TPST2: variants seen among roughly 807,000 people sequenced by gnomAD.
TPST2 encodes tyrosylprotein sulfotransferase 2.
Under a neutral mutation model 27.8 loss-of-function variants are expected in TPST2, and 16 were observed. That is an observed-to-expected ratio of 0.58 (90% confidence interval 0.39 to 0.88). The LOEUF (loss-of-function observed/expected upper bound fraction) is 0.88. Ranked by LOEUF, TPST2 falls within the 40% of genes least tolerant of loss-of-function variation. TPST2 has a pLI of 0.00. For synonymous variants in TPST2, 229 were observed against 231.7 expected (o/e 0.99, Z 0.10); for missense variants, 464 against 543.1 (o/e 0.85, Z 1.45).
At chr22:26,546,006 G>C (rs1926102206) in intron 1 of TPST2, among the ~76,000 whole-genome samples, 1 of 151,694 alleles carries the variant, frequency 6.6e-6, no homozygotes, top group African/African-American at 2.4e-5. Context: ...AAGCCCAGGA[G>C]GTCGAGGCTG....
At chr22:26,577,717 G>A (rs922602467) in intron 1 of TPST2, among the ~76,000 whole-genome samples, 2 of 145,254 alleles carry the variant, frequency 1.4e-5, no homozygotes, top group Non-Finnish European at 3.0e-5. Flanking sequence ...GGAATGCAGT[G>A]GCACAAGCTC....
At chr22:26,588,597 G>C (rs952691377) in intron 1 of TPST2, among the ~76,000 whole-genome samples, 1 of 152,158 alleles carries the variant, frequency 6.6e-6, no homozygotes, top group Non-Finnish European at 1.5e-5. Context: ...TTAAAAATCA[G>C]GTGATACAAA....
chr22:26,560,266 A>C (rs934820567), intron 1 of TPST2, among the ~76,000 whole-genome samples: 1 of 152,166 alleles, frequency 6.6e-6, no homozygotes, highest in African/African-American at 2.4e-5. Flanking sequence ...TCTCCTGGTT[A>C]AAGTGTGGCT....
At chr22:26,535,976 A>T in intron 4 of TPST2, 1 of 450,868 alleles carries the variant, frequency 2.2e-6, no homozygotes, top group South Asian at 2.0e-5. Context: ...ACAGATAAAC[A>T]AATAGCCAGG....
At chr22:26,584,918 G>A (rs751922918) in intron 1 of TPST2, among the ~76,000 whole-genome samples, 8 of 152,170 alleles carry the variant, frequency 5.3e-5, no homozygotes, top group Non-Finnish European at 8.8e-5. Flanking sequence ...TTGACAGACG[G>A]AGGAACTAAG....
At chr22:26,577,910 TCC>T (rs1369545725) in intron 1 of TPST2, among the ~76,000 whole-genome samples, 4 of 152,044 alleles carry the variant, frequency 2.6e-5, no homozygotes, top group Admixed American at 2.6e-4. Flanking sequence ...GGTCTAGACC[TCC>T]TAAAGTGCTA....
At chr22:26,579,406 T>C (rs1485917606) in intron 1 of TPST2, among the ~76,000 whole-genome samples, 2 of 152,150 alleles carry the variant, frequency 1.3e-5, no homozygotes, top group Non-Finnish European at 2.9e-5. Flanking sequence ...TTCCTCTTCT[T>C]CCCCACAGCC....
chr22:26,577,400 A>G (rs1602302780), intron 1 of TPST2, among the ~76,000 whole-genome samples: 1 of 150,156 alleles, frequency 6.7e-6, no homozygotes, highest in East Asian at 2.0e-4. Context: ...GCTGAAGTGT[A>G]GTGGCACTAT....
intron 1 of TPST2, among the ~76,000 whole-genome samples, chr22:26,558,121 AC>A (rs1926900170): frequency 3.0e-3 from 1 of 336 alleles, no homozygotes; most frequent in Non-Finnish European, 4.2e-3. Context: ...TATATATAAT[AC>A]ACACACACAC....
At chr22:26,555,619 A>G (rs1441457686) in intron 1 of TPST2, among the ~76,000 whole-genome samples, 3 of 152,232 alleles carry the variant, frequency 2.0e-5, no homozygotes, top group Admixed American at 2.0e-4. Context: ...CCTGCCCATA[A>G]TGAGTGTCAC....
At chr22:26,584,758 G>A (rs1928273671) in intron 1 of TPST2, among the ~76,000 whole-genome samples, 1 of 152,216 alleles carries the variant, frequency 6.6e-6, no homozygotes, top group Non-Finnish European at 1.5e-5. Context: ...GTGACCTTGT[G>A]CAAATTACTT....
rs551440235 is a variant in TPST2 at position 26,528,396 on chromosome 22, G to C, written c.1093-134C>G. 20 of 1,136,432 alleles carry C rather than the reference G, an allele frequency of 1.8e-5. 1 individual carries two copies. The East Asian group carries it at 4.9e-4, about 28-fold the overall frequency. The allele number at this position is 1,136,432 out of a possible 1,614,324, so 70.4% of individuals were successfully genotyped here. A position where few individuals can be genotyped will look rare whatever the true frequency, so the allele number is the denominator to read the frequency against. ...GTAGTATTTACTGTACATCTACTATGTGCCAGGTGCTGGGATAGCGTGGTG... is the reference window on the plus strand; with the variant it reads ...GTAGTATTTACTGTACATCTACTATCTGCCAGGTGCTGGGATAGCGTGGTG... On this transcript the variant is annotated intron_variant, in intron 5 of 6. Coordinates refer to ENST00000338754, the MANE Select transcript of TPST2 (RefSeq NM_003595.5).
intron 1 of TPST2, among the ~76,000 whole-genome samples, chr22:26,584,159 T>C (rs1267767188): frequency 6.6e-6 from 1 of 152,244 alleles, no homozygotes; most frequent in Non-Finnish European, 1.5e-5. Flanking sequence ...AACTCACCCA[T>C]TTAACATGTA....
In TPST2 at chr22:26,541,036, T is replaced by A; in HGVS notation, c.595A>T (p.Ile199Phe). The A allele has an allele frequency of 6.2e-7, 1 of 1,614,066 alleles. No individual in the cohort carries two copies. Among genetic ancestry groups the A allele is most frequent in the African/African-American group, 1.3e-5 (1 of 75,046 alleles). Residue 199 changes from isoleucine (I) to phenylalanine (F), a missense_variant, in exon 3 of 7, where the codon ATT (isoleucine) becomes TTT (phenylalanine). By Grantham distance (21) the Ile-to-Phe change is conservative. Transcript: ENST00000338754. The surrounding 1 kb of genome is among the most constrained non-coding windows in gnomAD (Gnocchi z 5.9). ...VHSMITRKVT[I>F]AGFDLSSYRD... ...TAGCTGCTGAGGTCAAAGCCCGCAA[T>A]GGTGACTTTGCGCGTGATCATGGAG...
intron 1 of TPST2, among the ~76,000 whole-genome samples, chr22:26,578,138 G>A (rs895875915): frequency 8.5e-5 from 13 of 152,060 alleles, no homozygotes; most frequent in African/African-American, 2.2e-4. Context: ...CAGGTGATCC[G>A]CGCATCTCCG....
intron 2 of TPST2, among the ~76,000 whole-genome samples, chr22:26,542,761 G>A (rs1031653746): frequency 6.6e-6 from 1 of 152,218 alleles, no homozygotes; most frequent in Non-Finnish European, 1.5e-5. Context: ...CCACAGGCAG[G>A]AAAGGATGCA....
chr22:26,562,351 C>T (rs1032020690), intron 1 of TPST2, among the ~76,000 whole-genome samples: 1 of 152,194 alleles, frequency 6.6e-6, no homozygotes, highest in Non-Finnish European at 1.5e-5. Context: ...AGCACCCCCA[C>T]CATGAGCCAG....
intron 1 of TPST2, among the ~76,000 whole-genome samples, chr22:26,577,021 G>A (rs751297765): frequency 6.0e-4 from 91 of 151,388 alleles, no homozygotes; most frequent in Non-Finnish European, 9.0e-4. Context: ...GTGTGAACCC[G>A]GGAGGCGGAG....
intron 1 of TPST2, among the ~76,000 whole-genome samples, chr22:26,579,961 CAAGTTGGGTACAGAGGCTTACGTCTGT>C (rs997150475): frequency 4.6e-5 from 7 of 151,976 alleles, no homozygotes; most frequent in African/African-American, 4.8e-5. Context: ...GAAACCAAGA[CAAGTTGGGTACAGAGGCTTACGTCTGT>C]AATCCCAGTA....
Sources: allele counts gnomAD v4.1 joint callset (sites outside exome capture counted in the v4.1 genomes callset), GRCh38; gene constraint gnomAD v4.1.1; non-coding constraint Gnocchi (gnomAD v3.1); transcripts MANE v1.5; gene names NCBI Gene and HGNC (gene_info 2026-07-23, HGNC 2026-07-21).